The following SCAI variants were observed in gnomAD, a reference collection of about 807,000 sequenced individuals.
SCAI encodes the protein protein SCAI.
A neutral mutation model predicts 92.2 loss-of-function variants in SCAI; 24 were observed. The ratio of observed to expected loss-of-function variants is 0.26; its 90% CI spans 0.19 to 0.37. The LOEUF (loss-of-function observed/expected upper bound fraction) is 0.37. Among genes scored for constraint, SCAI ranks in the 10% least tolerant of loss-of-function variants. SCAI has a pLI of 1.00. For missense variants in SCAI, 450 were observed against 736.2 expected, an observed-to-expected ratio of 0.61 and a Z score of 4.50; for synonymous variants, 261 against 258.6, an observed-to-expected ratio of 1.01 and a Z score of -0.09.
At chr9:124,992,806 G>A (rs928159193) in intron 14 of SCAI, among the ~76,000 whole-genome samples, 1 of 152,156 alleles carries the variant, frequency 6.6e-6, no homozygotes, top group Non-Finnish European at 1.5e-5. Flanking sequence ...TTCCACAGCT[G>A]TCCTGTGCAT....
intron 3 of SCAI, among the ~76,000 whole-genome samples, chr9:125,052,531 GGA>G (rs1404987865): frequency 1.3e-5 from 2 of 152,072 alleles, no homozygotes; most frequent in Admixed American, 6.6e-5. Flanking sequence ...CTTGGAGGCA[GGA>G]GAATCACTTG....
chr9:125,020,018 G>A (rs1407846270), intron 7 of SCAI, among the ~76,000 whole-genome samples: 1 of 147,342 alleles, frequency 6.8e-6, no homozygotes, highest in Non-Finnish European at 1.5e-5. Context: ...AGGTTGCAGT[G>A]AGACAAGATC....
At position 124,942,951 on chromosome 9, in the gene SCAI, G is replaced by C. The variant is rs1831082270; in HGVS notation, c.*9856C>G. 6.6e-6 allele frequency: 1 copy of C among 152,214 alleles called. No individual in the cohort carries two copies. The highest frequency in any genetic ancestry group is 1.5e-5 in the Non-Finnish European group (1 of 68,040). 9.4% of individuals were successfully genotyped at this position (152,214 alleles called of 1,614,324 possible). A position where few individuals can be genotyped will look rare whatever the true frequency, so the allele number is the denominator to read the frequency against. On this transcript the variant is annotated 3_prime_UTR_variant, in exon 18 of 18. Transcript: ENST00000336505. ...ACTCTGAAATTCATTTAGTGAAGTA[G>C]TGGAAGGCTATCTTTTATGACAAAT... is the stretch of plus-strand genomic sequence containing the variant.
intron 14 of SCAI, among the ~76,000 whole-genome samples, chr9:124,976,494 C>T (rs1187407592): frequency 6.6e-6 from 1 of 152,178 alleles, no homozygotes; most frequent in African/African-American, 2.4e-5. Context: ...GCCAATCCAT[C>T]GAGCAACACA....
At chr9:125,079,763 A>T (rs1244974949) in intron 2 of SCAI, among the ~76,000 whole-genome samples, 1 of 87,580 alleles carries the variant, frequency 1.1e-5, no homozygotes, top group African/African-American at 3.3e-5. Flanking sequence ...TTGGTGACTT[A>T]AAAAAAAAAA....
At chr9:124,960,289 C>T (rs978299574) in intron 17 of SCAI, among the ~76,000 whole-genome samples, 4 of 152,100 alleles carry the variant, frequency 2.6e-5, no homozygotes, top group African/African-American at 4.8e-5. Flanking sequence ...AATGCAGTGG[C>T]GTGATCATAA....
chr9:125,108,361 G>A (rs1470553368), intron 2 of SCAI, among the ~76,000 whole-genome samples: 4 of 150,684 alleles, frequency 2.7e-5, no homozygotes, highest in South Asian at 2.1e-4. Context: ...GCCTCTTCCC[G>A]GCCGCCATCC....
intron 2 of SCAI, among the ~76,000 whole-genome samples, chr9:125,119,129 G>A (rs575607504): frequency 6.6e-6 from 1 of 152,186 alleles, no homozygotes; most frequent in South Asian, 2.1e-4. Context: ...AACATGACAA[G>A]ACCAAGATCC....
intron 9 of SCAI, among the ~76,000 whole-genome samples, chr9:125,017,434 A>G (rs1458760509): frequency 1.3e-5 from 2 of 151,086 alleles, no homozygotes; most frequent in Non-Finnish European, 2.9e-5. Context: ...TCCATTTAGT[A>G]TATTCATACT....
intron 3 of SCAI, among the ~76,000 whole-genome samples, chr9:125,053,227 G>A (rs1314936141): frequency 7.2e-5 from 11 of 151,976 alleles, no homozygotes; most frequent in East Asian, 3.9e-4. Flanking sequence ...TCAGCTATTC[G>A]GGAGGCTGAG....
At chr9:125,078,015 C>T (rs957486915) in intron 2 of SCAI, among the ~76,000 whole-genome samples, 3 of 152,142 alleles carry the variant, frequency 2.0e-5, no homozygotes, top group Admixed American at 1.3e-4. Flanking sequence ...CCACCGTACC[C>T]AGCCTTTGGT....
intron 2 of SCAI, among the ~76,000 whole-genome samples, chr9:125,137,046 C>T (rs988531639): frequency 1.3e-5 from 2 of 152,108 alleles, no homozygotes; most frequent in Non-Finnish European, 2.9e-5. Context: ...TGTGAGCCAC[C>T]GCGCCCGGCC....
At chr9:125,127,579 C>CT (rs1018665316) in intron 2 of SCAI, among the ~76,000 whole-genome samples, 2 of 152,112 alleles carry the variant, frequency 1.3e-5, no homozygotes, top group Non-Finnish European at 2.9e-5. Context: ...ATTGTTAATA[C>CT]TTTTTGCTTA....
intron 6 of SCAI, among the ~76,000 whole-genome samples, chr9:125,026,593 T>C (rs552459882): frequency 2.0e-5 from 3 of 152,214 alleles, no homozygotes; most frequent in African/African-American, 7.2e-5. Context: ...AACCCAACCC[T>C]CCTTTGGCAT....
In SCAI at chr9:125,143,421, C is replaced by T. The variant is rs1270485551; in HGVS notation, c.17G>A (p.Arg6Gln). ...GCGACTCCGCGGCTGCTGGGGCTGC[C>T]GGGCTCCTCTGACCATCCGGCTCCT... MVRGA[R>Q]QPQQPRSRLA... Residue 6 changes from arginine to glutamine, a missense_variant, in exon 1 of 18, where the codon CGG becomes CAG. By Grantham distance (43) the Arg-to-Gln change is conservative. Coordinates refer to ENST00000336505, the MANE Select transcript of SCAI (RefSeq NM_001144877.3). 3 of 1,399,830 alleles carry T rather than the reference C, an allele frequency of 2.1e-6. No individual in the cohort carries two copies. The highest frequency in any genetic ancestry group is 2.8e-6 in the Non-Finnish European group (3 of 1,075,476). 86.7% of individuals were successfully genotyped at this position (1,399,830 alleles called of 1,614,324 possible). A position where few individuals can be genotyped will look rare whatever the true frequency, so the allele number is the denominator to read the frequency against.
chr9:125,134,764 C>T (rs1035286420), intron 2 of SCAI, among the ~76,000 whole-genome samples: 1 of 152,224 alleles, frequency 6.6e-6, no homozygotes, highest in Non-Finnish European at 1.5e-5. Context: ...GCAACCTCCG[C>T]CTCCCAGTTT....
chr9:125,005,711 G>C (rs1439119817), intron 9 of SCAI, among the ~76,000 whole-genome samples: 1 of 152,190 alleles, frequency 6.6e-6, no homozygotes, highest in Non-Finnish European at 1.5e-5. Context: ...AGTAAGGGTA[G>C]CATGGGCCTC....
In SCAI at chr9:125,092,252, A is replaced by C. The variant is rs1362913717; in HGVS notation, c.99-36245T>G. Among the ~76,000 whole-genome samples the C allele has an allele frequency of 2.0e-5, 3 of 149,956 alleles. No individual in the cohort carries two copies. In the East Asian group the frequency reaches 5.9e-4, roughly 30 times the overall value. On this transcript the variant is annotated intron_variant, in intron 2 of 17. Coordinates refer to ENST00000336505, the MANE Select transcript of SCAI (RefSeq NM_001144877.3). ...GGGAGGTGGATCACTTGAGGTCAGG[A>C]GTTCAAGACCACCTGGCCAACATGG...
chr9:125,013,995 A>G (rs1037837587), intron 9 of SCAI, among the ~76,000 whole-genome samples: 6 of 151,744 alleles, frequency 4.0e-5, no homozygotes, highest in African/African-American at 1.2e-4. Context: ...CATGCTAAAA[A>G]CTCTCAATAA....
Sources: gnomAD v4.1 joint callset for allele counts (sites outside exome capture counted in the v4.1 genomes callset) on GRCh38, gnomAD v4.1.1 for gene constraint, MANE v1.5 for transcripts, NCBI Gene and HGNC (gene_info 2026-07-23, HGNC 2026-07-21) for gene names.